Variants in RPS6KA5 observed in about 807,000 individuals in gnomAD.
The protein encoded by RPS6KA5 is ribosomal protein S6 kinase A5.
In RPS6KA5, 27 loss-of-function variants were observed where a neutral mutation model predicts 85.5. The observed-to-expected ratio is 0.32, with a 90% CI of 0.23 to 0.44. RPS6KA5 has a LOEUF of 0.44. RPS6KA5 is among the 20% of genes least tolerant of loss of function. RPS6KA5 has a pLI of 1.00. For synonymous variants in RPS6KA5, 334 were observed against 348.2 expected (o/e 0.96, Z 0.46); for missense variants, 811 against 980.9 (o/e 0.83, Z 2.31).
At chr14:91,046,600 A>G (rs2042883530) in intron 1 of RPS6KA5, among the ~76,000 whole-genome samples, 1 of 152,192 alleles carries the variant, frequency 6.6e-6, no homozygotes, top group Non-Finnish European at 1.5e-5. Context: ...TCAGATTATT[A>G]TGATGTGATT....
At chr14:90,956,101 C>A (rs2038491886) in intron 3 of RPS6KA5, among the ~76,000 whole-genome samples, 1 of 152,078 alleles carries the variant, frequency 6.6e-6, no homozygotes, top group South Asian at 2.1e-4. Flanking sequence ...ACAAAGTATA[C>A]AGGGGGATGC....
intron 7 of RPS6KA5, among the ~76,000 whole-genome samples, chr14:90,919,060 G>A (rs554491134): frequency 6.6e-6 from 1 of 152,200 alleles, no homozygotes; most frequent in East Asian, 1.9e-4. Context: ...TCACTATATG[G>A]AATAGTTCCC....
chr14:90,989,649 A>C lies in RPS6KA5; in HGVS notation c.176-11125T>G, dbSNP rs571054285. Among the ~76,000 whole-genome samples the C allele has an allele frequency of 2.6e-4, 39 of 152,342 alleles. 1 individual carries two copies. The South Asian group carries it at 7.7e-3, about 30-fold the overall frequency. On this transcript the variant is annotated intron_variant, in intron 2 of 16. Transcript: ENST00000614987. The stretch of plus-strand genomic sequence containing the variant: ...TCTCAAAGAAGGCAAAATGGTCAAA[A>C]GGAAGGCAGCAGAGAGATTAAAAAA...
Position 90,899,322 on chromosome 14 carries a change from A to G in RPS6KA5, c.1473+7T>C, listed in dbSNP as rs1488614073. On this transcript the variant is annotated splice_region_variant and intron_variant, in intron 12 of 16. Coordinates refer to ENST00000614987, the MANE Select transcript of RPS6KA5 (RefSeq NM_004755.4). ...CATGGGAAAAAAAAAAAAAAAAAGT[A>G]GGATACCTGATCATGAAAAACTTCA... The G allele has an allele frequency of 1.3e-6, 2 of 1,481,826 alleles. No homozygotes were observed. Among genetic ancestry groups the G allele is most frequent in the Admixed American group, 1.8e-5 (1 of 54,084 alleles). 91.8% of individuals were successfully genotyped at this position (1,481,826 alleles called of 1,614,324 possible).
At chr14:91,032,080 C>T (rs2042208589) in intron 1 of RPS6KA5, among the ~76,000 whole-genome samples, 1 of 152,174 alleles carries the variant, frequency 6.6e-6, no homozygotes, top group African/African-American at 2.4e-5. Context: ...TTCTCAACTA[C>T]CTTCTCCCCT....
intron 2 of RPS6KA5, among the ~76,000 whole-genome samples, chr14:90,980,543 A>C (rs59609098): frequency 0.034 from 5,193 of 152,304 alleles, 258 homozygotes; most frequent in African/African-American, 0.096. Context: ...CACTTATGAT[A>C]TAAACTCATT....
chr14:90,923,639 G>C (rs1307682208), intron 5 of RPS6KA5, among the ~76,000 whole-genome samples: 1 of 152,072 alleles, frequency 6.6e-6, no homozygotes, highest in Non-Finnish European at 1.5e-5. Context: ...AAAACACTGG[G>C]TAACTTGAAG....
At chr14:90,876,028 T>C (rs1185254482) in intron 14 of RPS6KA5, among the ~76,000 whole-genome samples, 1 of 151,380 alleles carries the variant, frequency 6.6e-6, no homozygotes, top group Non-Finnish European at 1.5e-5. Flanking sequence ...GTTGTGCACA[T>C]GTACCCTAAA....
rs1049086094 is a variant in RPS6KA5 at position 90,871,484 on chromosome 14, A to C, written c.*590T>G. On this transcript the variant is annotated 3_prime_UTR_variant, in exon 17 of 17. Coordinates refer to ENST00000614987, the MANE Select transcript of RPS6KA5 (RefSeq NM_004755.4). ...ACAGAGTATGGGACCTTGAGTTCTTATATCTTTTTTTTTTTTTTTCACTTT... is the reference window on the plus strand; with the variant it reads ...ACAGAGTATGGGACCTTGAGTTCTTCTATCTTTTTTTTTTTTTTTCACTTT... 6.8e-6 allele frequency: 1 copy of C among 146,776 alleles called. No individual in the cohort carries two copies. The highest frequency in any genetic ancestry group is 2.2e-4 in the South Asian group (1 of 4,538). 9.1% of individuals were successfully genotyped at this position (146,776 alleles called of 1,614,324 possible).
chr14:91,027,655 G>T (rs1027980238), intron 1 of RPS6KA5, among the ~76,000 whole-genome samples: 30 of 152,130 alleles, frequency 2.0e-4, no homozygotes, highest in Non-Finnish European at 8.8e-5. Flanking sequence ...CCCTCATTCT[G>T]CATGTCCAGT....
At chr14:91,020,614 TTGTG>T (rs71117396) in intron 1 of RPS6KA5, among the ~76,000 whole-genome samples, 1,879 of 91,310 alleles carry the variant, frequency 0.021, 90 homozygotes, top group African/African-American at 0.07. Flanking sequence ...ATATATCCTA[TTGTG>T]TGTGTGTGTG....
chr14:90,891,459 T>C lies in RPS6KA5; in HGVS notation c.1645-781A>G, dbSNP rs2034552333. Among the ~76,000 whole-genome samples the C allele has an allele frequency of 2.0e-5, 3 of 152,110 alleles. No homozygotes were observed. The South Asian group carries it at 6.2e-4, about 32-fold the overall frequency. On this transcript the variant is annotated intron_variant, in intron 13 of 16. Coordinates refer to ENST00000614987, the MANE Select transcript of RPS6KA5 (RefSeq NM_004755.4). Reference sequence around the variant, plus strand: ...TTGTATTTATCACATGCTTAATACTTACTGATGCACAAATTATTTTAATAA... The same window carrying C: ...TTGTATTTATCACATGCTTAATACTCACTGATGCACAAATTATTTTAATAA...
chr14:90,930,645 G>A (rs910908927), intron 5 of RPS6KA5, among the ~76,000 whole-genome samples: 1 of 152,070 alleles, frequency 6.6e-6, no homozygotes, highest in African/African-American at 2.4e-5. Context: ...ATCTGATAAG[G>A]AGTTAATATC....
rs146493395 is a variant in RPS6KA5 at position 90,951,869 on chromosome 14, G to A, written c.395-4319C>T. ...TTGGCTATTGCCATGTCCGGACTGC[G>A]AGTATGGGAAGGGGAAACTTTTCTG... On this transcript the variant is annotated intron_variant, in intron 3 of 16. Coordinates refer to ENST00000614987, the MANE Select transcript of RPS6KA5 (RefSeq NM_004755.4). Among the ~76,000 whole-genome samples the A allele has an allele frequency of 4.0e-3, 610 of 152,144 alleles. 3 individuals are homozygous for A. The highest frequency in any genetic ancestry group is 0.014 in the African/African-American group (589 of 41,508).
In RPS6KA5 at chr14:90,872,123, T is replaced by A. The variant is rs200886537; in HGVS notation, c.2360A>T (p.Asp787Val). The A allele has an allele frequency of 4.0e-5, 65 of 1,613,680 alleles. 1 individual carries two copies. In the East Asian group the frequency reaches 5.6e-4, roughly 14 times the overall value. Reference protein sequence around the residue: ...TKTLQPSNPADSNNPETLFQF... With the variant: ...TKTLQPSNPAVSNNPETLFQF... ...GAAGAGGGTCTCCGGGTTATTGCTG[T>A]CGGCAGGATTGCTGGGCTGCAGTGT... Residue 787 changes from aspartate (D) to valine (V), a missense_variant, in exon 17 of 17, where the codon GAC becomes GTC. Transcript: ENST00000614987.
At chr14:90,970,950 C>T (rs1465368810) in intron 3 of RPS6KA5, among the ~76,000 whole-genome samples, 1 of 150,808 alleles carries the variant, frequency 6.6e-6, no homozygotes, top group Non-Finnish European at 1.5e-5. Flanking sequence ...CAATAGATAA[C>T]TTTAAAGCAG....
At chr14:90,950,448 G>A (rs894378729) in intron 3 of RPS6KA5, among the ~76,000 whole-genome samples, 20 of 152,118 alleles carry the variant, frequency 1.3e-4, no homozygotes, top group African/African-American at 4.8e-4. Flanking sequence ...GTGGGAAAGT[G>A]GATATTCTGT....
In RPS6KA5 at chr14:90,869,188, T is replaced by A. The variant is rs1298083571; in HGVS notation, c.*2886A>T. The A allele has an allele frequency of 6.6e-6, 1 of 152,234 alleles. No individual in the cohort carries two copies. Among genetic ancestry groups the A allele is most frequent in the Non-Finnish European group, 1.5e-5 (1 of 68,108 alleles). 9.4% of individuals were successfully genotyped at this position (152,234 alleles called of 1,614,324 possible). A position where few individuals can be genotyped will look rare whatever the true frequency, so the allele number is the denominator to read the frequency against. ...CCTCCCATGAGCCACCATGCTCAGCTAATTTTTATTTTTATTTTTGGAGAG... is the reference window on the plus strand; with the variant it reads ...CCTCCCATGAGCCACCATGCTCAGCAAATTTTTATTTTTATTTTTGGAGAG... On this transcript the variant is annotated 3_prime_UTR_variant, in exon 17 of 17. Transcript: ENST00000614987.
chr14:90,978,263 G>A (rs1322556847), intron 3 of RPS6KA5, 43 bp downstream of exon 3: 1 of 1,453,436 alleles, frequency 6.9e-7, no homozygotes, highest in African/African-American at 1.4e-5. Context: ...AAGACCCAAA[G>A]AAAAGTGTTT....
Sources: allele counts gnomAD v4.1 joint callset (sites outside exome capture counted in the v4.1 genomes callset), GRCh38; gene constraint gnomAD v4.1.1; transcripts MANE v1.5; gene names NCBI Gene and HGNC (gene_info 2026-07-23, HGNC 2026-07-21).